Variants in PPP1R9A observed in about 807,000 individuals in gnomAD.
PPP1R9A encodes neurabin-1.
A neutral mutation model predicts 141.9 loss-of-function variants in PPP1R9A; 59 were observed. That is an observed-to-expected ratio of 0.42 (90% CI 0.34 to 0.52). PPP1R9A has a LOEUF of 0.52. Ranked by LOEUF, PPP1R9A falls within the 20% of genes least tolerant of loss-of-function variation. The pLI, the probability that PPP1R9A is intolerant of heterozygous loss-of-function variation, is 0.10. For synonymous variants in PPP1R9A, 500 were observed against 569.7 expected, an observed-to-expected ratio of 0.88 and a Z score of 1.74; for missense variants, 1,444 against 1,611.9, an observed-to-expected ratio of 0.90 and a Z score of 1.78.
At chr7:95,288,803 ATTCTG>A in intron 19 of PPP1R9A, 85 bp downstream of exon 19, 1 of 1,441,964 alleles carries the variant, frequency 6.9e-7, no homozygotes, top group Non-Finnish European at 9.4e-7. Flanking sequence ...AGGTAAGAGC[ATTCTG>A]CATATCTGAG....
intron 2 of PPP1R9A, among the ~76,000 whole-genome samples, chr7:94,987,114 A>C (rs938680770): frequency 1.3e-4 from 20 of 152,338 alleles, no homozygotes; most frequent in African/African-American, 4.8e-4. Context: ...AAATGGTCAG[A>C]AATTGATAAA....
At chr7:94,969,393 G>A (rs1389499290) in intron 2 of PPP1R9A, among the ~76,000 whole-genome samples, 9 of 152,054 alleles carry the variant, frequency 5.9e-5, no homozygotes, top group Admixed American at 5.9e-4. Context: ...CCTTCTAACA[G>A]TCAGGCCCCC....
intron 3 of PPP1R9A, among the ~76,000 whole-genome samples, chr7:95,119,251 A>G (rs1822085088): frequency 6.6e-6 from 1 of 152,178 alleles, no homozygotes; most frequent in Non-Finnish European, 1.5e-5. Context: ...ATATTCACAG[A>G]AAGGACAAAT....
At chr7:95,137,909 T>TGTC (rs1825951851) in intron 4 of PPP1R9A, among the ~76,000 whole-genome samples, 1 of 151,766 alleles carries the variant, frequency 6.6e-6, no homozygotes, top group African/African-American at 2.4e-5. Context: ...GATGAAAACA[T>TGTC]ATAGTCAGTT....
intron 3 of PPP1R9A, among the ~76,000 whole-genome samples, chr7:95,113,397 A>C (rs992775543): frequency 2.6e-5 from 4 of 152,236 alleles, no homozygotes; most frequent in African/African-American, 9.6e-5. Context: ...GGCTTATATT[A>C]GGAAGAACTT....
chr7:95,016,728 T>C (rs1264647641), intron 2 of PPP1R9A, among the ~76,000 whole-genome samples: 2 of 152,160 alleles, frequency 1.3e-5, no homozygotes, highest in Non-Finnish European at 2.9e-5. Context: ...AAAGACAGAA[T>C]CTTATTCCCC....
chr7:94,909,160 G>A (rs989779162), intron 1 of PPP1R9A, among the ~76,000 whole-genome samples: 1 of 152,106 alleles, frequency 6.6e-6, no homozygotes, highest in African/African-American at 2.4e-5. Flanking sequence ...GAAAAGGGGT[G>A]TCACAGTATA....
intron 4 of PPP1R9A, among the ~76,000 whole-genome samples, chr7:95,147,749 A>T (rs1314178746): frequency 6.6e-6 from 1 of 152,178 alleles, no homozygotes; most frequent in Non-Finnish European, 1.5e-5. Context: ...ATCTATTGAG[A>T]TAATCATGTG....
At chr7:94,981,414 AT>A (rs1290540616) in intron 2 of PPP1R9A, among the ~76,000 whole-genome samples, 1 of 151,832 alleles carries the variant, frequency 6.6e-6, no homozygotes, top group Non-Finnish European at 1.5e-5. Context: ...TAATTTTTGT[AT>A]TTTTAGTACA....
At chr7:95,096,169 G>A (rs2106493) in intron 2 of PPP1R9A, among the ~76,000 whole-genome samples, 1 of 152,092 alleles carries the variant, frequency 6.6e-6, no homozygotes, top group Non-Finnish European at 1.5e-5. Context: ...CAGGATTTTA[G>A]ATAGGCCTTT....
intron 8 of PPP1R9A, among the ~76,000 whole-genome samples, chr7:95,228,372 T>C (rs1435113441): frequency 2.0e-5 from 3 of 152,208 alleles, no homozygotes; most frequent in Non-Finnish European, 4.4e-5. Flanking sequence ...TACTGGAATT[T>C]GTTGTATGAT....
At chr7:95,196,795 T>G (rs907285395) in intron 5 of PPP1R9A, among the ~76,000 whole-genome samples, 6 of 152,140 alleles carry the variant, frequency 3.9e-5, no homozygotes, top group African/African-American at 1.4e-4. Flanking sequence ...GGAAATAGTT[T>G]GGGTTGATGG....
At chr7:94,952,188 G>A (rs1796551827) in intron 2 of PPP1R9A, among the ~76,000 whole-genome samples, 1 of 152,118 alleles carries the variant, frequency 6.6e-6, no homozygotes, top group Non-Finnish European at 1.5e-5. Flanking sequence ...CCACTTATGA[G>A]TGAGAACATG....
intron 2 of PPP1R9A, among the ~76,000 whole-genome samples, chr7:95,025,436 G>T (rs1286935069): frequency 1.3e-5 from 2 of 152,136 alleles, no homozygotes; most frequent in Non-Finnish European, 2.9e-5. Flanking sequence ...TCTGCAGAGA[G>T]ATTCACTGTT....
At position 95,240,001 on chromosome 7, in the gene PPP1R9A, A is replaced by T. The variant is rs545968408; in HGVS notation, c.2113-7472A>T. ...AGATAGTTATACTCTCAGGTTAATCAGTATCCACTATTATTCCTTTTAAAG... is the reference window on the plus strand; with the variant it reads ...AGATAGTTATACTCTCAGGTTAATCTGTATCCACTATTATTCCTTTTAAAG... On this transcript the variant is annotated intron_variant, in intron 8 of 19. Transcript: ENST00000433360. Among the ~76,000 whole-genome samples the T allele has an allele frequency of 4.6e-5, 7 of 152,156 alleles. No individual in the cohort carries two copies. In the South Asian group the frequency reaches 1.4e-3, roughly 32 times the overall value.
intron 4 of PPP1R9A, among the ~76,000 whole-genome samples, chr7:95,152,954 A>G (rs1375165736): frequency 1.0e-4 from 15 of 149,770 alleles, no homozygotes; most frequent in Non-Finnish European, 2.2e-4. Context: ...GTTCAAACCG[A>G]TTCTCCTGCC....
chr7:95,014,278 C>T (rs1307599548), intron 2 of PPP1R9A, among the ~76,000 whole-genome samples: 1 of 152,010 alleles, frequency 6.6e-6, no homozygotes, highest in Admixed American at 6.6e-5. Context: ...CATCATGTCT[C>T]CCTTAATTTG....
chr7:95,046,596 CT>C lies in PPP1R9A; in HGVS notation c.1396-64658del, dbSNP rs1368781878. 2.6e-5 allele frequency among the ~76,000 whole-genome samples: 4 copies of C among 152,072 alleles called. No homozygotes were observed. The East Asian group carries it at 7.7e-4, about 29-fold the overall frequency. ...AATATGCACATTTTCTAAGAAGATA[CT>C]TTTTAAGAGAGAAAAGATAGAGGCC... On this transcript the variant is annotated intron_variant, in intron 2 of 19. Coordinates refer to ENST00000433360, the MANE Select transcript of PPP1R9A (RefSeq NM_001166160.2).
Position 95,292,730 on chromosome 7 carries a change from T to A in PPP1R9A, c.*2427T>A, listed in dbSNP as rs964008604. 6.6e-6 allele frequency: 1 copy of A among 152,222 alleles called. No homozygotes were observed. Among genetic ancestry groups the A allele is most frequent in the Non-Finnish European group, 1.5e-5 (1 of 68,036 alleles). The allele number at this position is 152,222 out of a possible 1,614,324, so 9.4% of individuals were successfully genotyped here. ...AGGCCGAAGTGAGTTATTTTAACATTACCACTTAAAACGGATGAAATTGTA... is the reference window on the plus strand; with the variant it reads ...AGGCCGAAGTGAGTTATTTTAACATAACCACTTAAAACGGATGAAATTGTA... On this transcript the variant is annotated 3_prime_UTR_variant, in exon 20 of 20. Coordinates refer to ENST00000433360, the MANE Select transcript of PPP1R9A (RefSeq NM_001166160.2).
Sources: allele counts gnomAD v4.1 joint callset (sites outside exome capture counted in the v4.1 genomes callset), GRCh38; gene constraint gnomAD v4.1.1; transcripts MANE v1.5; gene names NCBI Gene and HGNC (gene_info 2026-07-23, HGNC 2026-07-21).